Variants in KIAA0825 observed in about 807,000 individuals in gnomAD.
KIAA0825 encodes uncharacterized protein KIAA0825.
KIAA0825 carries 119 observed loss-of-function variants against 147.6 expected under a neutral mutation model. The ratio of observed to expected loss-of-function variants is 0.81; its 90% CI spans 0.69 to 0.94. The LOEUF is 0.94. KIAA0825 is among the 40% of genes least tolerant of loss of function. KIAA0825 has a pLI of 0.00. For missense variants in KIAA0825, 1,381 were observed against 1,472.7 expected, an observed-to-expected ratio of 0.94 and a Z score of 1.02; for synonymous variants, 470 against 518.1, an observed-to-expected ratio of 0.91 and a Z score of 1.26.
chr5:94,223,925 T>A (rs1773900112), intron 20 of KIAA0825, among the ~76,000 whole-genome samples: 1 of 152,074 alleles, frequency 6.6e-6, no homozygotes, highest in African/African-American at 2.4e-5. Flanking sequence ...ATTTTTCCAA[T>A]ATTCTTTTAC....
At position 94,564,945 on chromosome 5, in the gene KIAA0825, CCCTT is replaced by C. The variant is rs1220652764; in HGVS notation, c.-2+17484_-2+17487del. Among the ~76,000 whole-genome samples, 636 of 120,326 alleles carry C rather than the reference CCCTT, an allele frequency of 5.3e-3. 7 individuals are homozygous for C. The highest frequency in any genetic ancestry group is 0.018 in the African/African-American group (603 of 33,416). The allele number at this position is 120,326 out of a possible 152,430, so 78.9% of individuals were successfully genotyped here. ...CCTTCCATCCTTCCCTTCCCTCCCT[CCCTT>C]TTCTTTTCTTTTCTTTTCTTTTTCT... On this transcript the variant is annotated intron_variant, in intron 2 of 20. Transcript: ENST00000682413.
chr5:94,287,829 T>TC (rs1777723792), intron 20 of KIAA0825, among the ~76,000 whole-genome samples: 1 of 152,174 alleles, frequency 6.6e-6, no homozygotes, highest in Non-Finnish European at 1.5e-5. Context: ...CCAGGCTGTG[T>TC]CACAAGGCTG....
At chr5:94,616,020 T>A (rs1378832494) in intron 1 of KIAA0825, among the ~76,000 whole-genome samples, 1 of 152,020 alleles carries the variant, frequency 6.6e-6, no homozygotes, top group East Asian at 1.9e-4. Flanking sequence ...CAGTCATGAG[T>A]CATGGTTCCT....
intron 20 of KIAA0825, among the ~76,000 whole-genome samples, chr5:94,322,535 ACTCCAGCTGTAG>A (rs1780290913): frequency 6.6e-6 from 1 of 151,880 alleles, no homozygotes; most frequent in African/African-American, 2.4e-5. Context: ...CATGCCTTGC[ACTCCAGCTGTAG>A]CAGTAAAATT....
At chr5:94,616,189 G>T (rs1404885680) in intron 1 of KIAA0825, among the ~76,000 whole-genome samples, 1 of 152,110 alleles carries the variant, frequency 6.6e-6, no homozygotes, top group Admixed American at 6.5e-5. Context: ...ACAAGTCAAT[G>T]CAATGTAATC....
intron 3 of KIAA0825, among the ~76,000 whole-genome samples, chr5:94,526,268 G>A (rs1021624547): frequency 9.9e-5 from 15 of 151,790 alleles, no homozygotes; most frequent in Admixed American, 2.0e-4. Flanking sequence ...CATTATTCAG[G>A]ATTATAAACA....
chr5:94,302,272 A>G (rs755735200), intron 20 of KIAA0825, among the ~76,000 whole-genome samples: 8 of 152,082 alleles, frequency 5.3e-5, no homozygotes, highest in Non-Finnish European at 1.0e-4. Context: ...CTAGCCTAAC[A>G]TATGTTCTAT....
In KIAA0825 at chr5:94,270,394, C is replaced by T. The variant is rs59660668; in HGVS notation, c.3710+113974G>A. 6.9e-3 allele frequency among the ~76,000 whole-genome samples: 1,055 copies of T among 152,044 alleles called. 16 individuals carry two copies. The highest frequency in any genetic ancestry group is 0.024 in the African/African-American group (1,009 of 41,466). On this transcript the variant is annotated intron_variant, in intron 20 of 20. Transcript: ENST00000682413. The stretch of plus-strand genomic sequence containing the variant: ...ACTGGGAAAACTGGATATCCATAGG[C>T]AGAAGAATAAAACTAAGCCTCTGTC...
At chr5:94,392,460 T>G (rs1750024030) in intron 17 of KIAA0825, among the ~76,000 whole-genome samples, 1 of 152,208 alleles carries the variant, frequency 6.6e-6, no homozygotes, top group South Asian at 2.1e-4. Flanking sequence ...TAATAATGGA[T>G]GACAAAAAGA....
At chr5:94,163,426 A>G (rs931621615) in intron 20 of KIAA0825, among the ~76,000 whole-genome samples, 4 of 152,068 alleles carry the variant, frequency 2.6e-5, no homozygotes, top group Non-Finnish European at 4.4e-5. Flanking sequence ...TTTCTTTAGT[A>G]TGTAACTTTA....
chr5:94,610,426 C>CA (rs199687437), intron 1 of KIAA0825, among the ~76,000 whole-genome samples: 3,128 of 63,034 alleles, frequency 0.05, 76 homozygotes, highest in East Asian at 0.13. Flanking sequence ...AAGACTGTCT[C>CA]AAAAAAAAAA....
At chr5:94,276,179 AAG>A (rs1777214598) in intron 20 of KIAA0825, among the ~76,000 whole-genome samples, 1 of 152,138 alleles carries the variant, frequency 6.6e-6, no homozygotes, top group Admixed American at 6.6e-5. Flanking sequence ...AGTCTAATGA[AAG>A]AACATAAACT....
In KIAA0825 at chr5:94,520,287, T is replaced by C. The variant is rs766538587; in HGVS notation, c.931A>G (p.Lys311Glu). Residue 311 changes from lysine (K) to glutamate (E), a missense_variant, in exon 5 of 21, where the codon AAG becomes GAG. By Grantham distance (56) the Lys-to-Glu change is moderately conservative. Coordinates refer to ENST00000682413, the MANE Select transcript of KIAA0825 (RefSeq NM_001145678.3). The part of the protein sequence containing the change: ...ENAVRVVKTS[K>E]SSSKHRGAVH... Reference sequence around the variant, plus strand: ...GCTCCTCTATGCTTGCTGGAGCTCTTGCTTGTTTTAACCACACGAACAGCA... The same window carrying C: ...GCTCCTCTATGCTTGCTGGAGCTCTCGCTTGTTTTAACCACACGAACAGCA... 25 of 1,613,020 alleles carry C rather than the reference T, an allele frequency of 1.5e-5. No individual in the cohort carries two copies. Among genetic ancestry groups the C allele is most frequent in the Non-Finnish European group, 1.9e-5 (22 of 1,179,406 alleles).
At chr5:94,265,749 C>T (rs1776714505) in intron 20 of KIAA0825, among the ~76,000 whole-genome samples, 1 of 152,002 alleles carries the variant, frequency 6.6e-6, no homozygotes, top group Non-Finnish European at 1.5e-5. Context: ...TGCAGTGAGC[C>T]GAGATTGCGC....
At chr5:94,227,911 C>G (rs1774349727) in intron 20 of KIAA0825, among the ~76,000 whole-genome samples, 1 of 151,228 alleles carries the variant, frequency 6.6e-6, no homozygotes, top group South Asian at 2.1e-4. Flanking sequence ...ACATGTATAC[C>G]TGTGTAACAA....
In KIAA0825 at chr5:94,336,140, C is replaced by T. The variant is rs560823335; in HGVS notation, c.3710+48228G>A. Among the ~76,000 whole-genome samples the T allele has an allele frequency of 6.6e-5, 10 of 152,164 alleles. No homozygotes were observed. The East Asian group carries it at 9.6e-4, about 15-fold the overall frequency. ...ATCTGAGCACTTAGGGAGGCTGAGG[C>T]GGGTGGATCACCTGAGGTCAGGAGT... On this transcript the variant is annotated intron_variant, in intron 20 of 20. Transcript: ENST00000682413.
intron 20 of KIAA0825, among the ~76,000 whole-genome samples, chr5:94,209,019 C>T (rs1296895096): frequency 6.6e-6 from 1 of 152,138 alleles, no homozygotes; most frequent in African/African-American, 2.4e-5. Context: ...TCAGTGAGTG[C>T]TCTAGATCAT....
chr5:94,549,650 T>C (rs1413568179), intron 2 of KIAA0825, among the ~76,000 whole-genome samples: 1 of 152,010 alleles, frequency 6.6e-6, no homozygotes, highest in Non-Finnish European at 1.5e-5. Context: ...GAGGCAGAGG[T>C]TGCAGTGAGC....
chr5:94,243,848 A>G (rs1201164124), intron 20 of KIAA0825, among the ~76,000 whole-genome samples: 1 of 152,144 alleles, frequency 6.6e-6, no homozygotes, highest in Admixed American at 6.5e-5. Context: ...TTTATCATCT[A>G]AATGCCTGAA....
Sources: gnomAD v4.1 joint callset for allele counts (sites outside exome capture counted in the v4.1 genomes callset) on GRCh38, gnomAD v4.1.1 for gene constraint, MANE v1.5 for transcripts, NCBI Gene and HGNC (gene_info 2026-07-23, HGNC 2026-07-21) for gene names.